Variants in LINGO2 observed in about 807,000 individuals in gnomAD.
The protein encoded by LINGO2 is leucine rich repeat and Ig domain containing 2, also known as leucine-rich repeat and immunoglobulin-like domain-containing nogo receptor-interacting protein 2.
Under a neutral mutation model 30.6 loss-of-function variants are expected in LINGO2, and 14 were observed. The ratio of observed to expected loss-of-function variants is 0.46; its 90% confidence interval spans 0.30 to 0.72. LINGO2 has a LOEUF of 0.72. LINGO2 is among the 30% of genes least tolerant of loss of function. The probability of loss-of-function intolerance (pLI) is 0.07; values close to 1 mark genes in which losing one functional copy is unlikely to be tolerated. For missense variants in LINGO2, 729 were observed against 751.7 expected (o/e 0.97, Z 0.35); for synonymous variants, 317 against 288.5 (o/e 1.10, Z -1.00).
the LINGO2 span, among the ~76,000 whole-genome samples, chr9:28,851,854 G>A: frequency 1.3e-5 from 2 of 150,906 alleles, no homozygotes; most frequent in Admixed American, 6.6e-5. Context: ...TATTTGCACT[G>A]AATTAATAAT....
chr9:28,401,921 C>G (rs918859897), intron 2 of LINGO2, among the ~76,000 whole-genome samples: 2 of 152,064 alleles, frequency 1.3e-5, no homozygotes, highest in African/African-American at 4.8e-5. Context: ...TCTGTTGGCC[C>G]TATAAATATC....
the LINGO2 span, among the ~76,000 whole-genome samples, chr9:28,687,785 G>A: frequency 1.3e-5 from 2 of 151,744 alleles, no homozygotes; most frequent in African/African-American, 4.8e-5. Flanking sequence ...CTGTTTTAAT[G>A]GAAATGTACA....
the LINGO2 span, among the ~76,000 whole-genome samples, chr9:28,740,004 T>C: frequency 6.6e-6 from 1 of 151,246 alleles, no homozygotes; most frequent in African/African-American, 2.4e-5. Flanking sequence ...ATTATTTTAC[T>C]CATTTGTTAT....
At chr9:28,451,203 C>A (rs1248850639) in intron 2 of LINGO2, among the ~76,000 whole-genome samples, 1 of 151,666 alleles carries the variant, frequency 6.6e-6, no homozygotes, top group East Asian at 1.9e-4. Flanking sequence ...TATAATGTTT[C>A]AATAATTCAC....
intron 1 of LINGO2, among the ~76,000 whole-genome samples, chr9:28,590,190 A>G (rs1308442450): frequency 6.6e-6 from 1 of 152,146 alleles, no homozygotes; most frequent in Non-Finnish European, 1.5e-5. Flanking sequence ...TAGACCTAAA[A>G]CCATAAAAAC....
intron 4 of LINGO2, among the ~76,000 whole-genome samples, chr9:28,191,906 T>C (rs1819835439): frequency 6.6e-6 from 1 of 152,184 alleles, no homozygotes. Flanking sequence ...GCCCAGTGCA[T>C]GTCTTTTTCT....
At chr9:28,691,253 T>C in the LINGO2 span, among the ~76,000 whole-genome samples, 2 of 152,232 alleles carry the variant, frequency 1.3e-5, no homozygotes, top group African/African-American at 4.8e-5. Flanking sequence ...CTGTATGATG[T>C]CAATTTATCC....
chr9:28,778,878 C>A, the LINGO2 span, among the ~76,000 whole-genome samples: 2 of 152,068 alleles, frequency 1.3e-5, no homozygotes, highest in Non-Finnish European at 2.9e-5. Context: ...ACAGCAAATA[C>A]ATGGAAGCAT....
the LINGO2 span, among the ~76,000 whole-genome samples, chr9:29,097,247 G>A: frequency 7.2e-6 from 1 of 138,182 alleles, no homozygotes; most frequent in Non-Finnish European, 1.6e-5. Flanking sequence ...CCATTTATAA[G>A]CAAAACAGAA....
chr9:28,649,426 G>A (rs533658874), intron 1 of LINGO2, among the ~76,000 whole-genome samples: 2 of 152,182 alleles, frequency 1.3e-5, no homozygotes, highest in Admixed American at 1.3e-4. Context: ...GTTAATAGAA[G>A]TTAGCTAAAT....
the LINGO2 span, among the ~76,000 whole-genome samples, chr9:28,848,607 TC>T: frequency 6.6e-6 from 1 of 151,004 alleles, no homozygotes; most frequent in Non-Finnish European, 1.5e-5. Context: ...TGCTTTTTTT[TC>T]AAAATCCTAG....
At chr9:29,148,223 T>C in the LINGO2 span, among the ~76,000 whole-genome samples, 1 of 152,176 alleles carries the variant, frequency 6.6e-6, no homozygotes, top group Non-Finnish European at 1.5e-5. Flanking sequence ...AAATAATTAA[T>C]AACACCCATC....
At chr9:29,095,705 A>G in the LINGO2 span, among the ~76,000 whole-genome samples, 1 of 139,148 alleles carries the variant, frequency 7.2e-6, no homozygotes, top group Non-Finnish European at 1.6e-5. Context: ...TACTTGGTAT[A>G]TTGTCAAGTG....
the LINGO2 span, among the ~76,000 whole-genome samples, chr9:29,133,616 A>G: frequency 6.6e-6 from 1 of 152,128 alleles, no homozygotes; most frequent in East Asian, 1.9e-4. Flanking sequence ...CAAAATTTCA[A>G]AGAAATAGTA....
chr9:28,590,918 A>T (rs909230496), intron 1 of LINGO2, among the ~76,000 whole-genome samples: 12 of 152,240 alleles, frequency 7.9e-5, no homozygotes, highest in South Asian at 6.2e-4. Flanking sequence ...CAAATGTCCA[A>T]CAATGATAGA....
At position 28,088,203 on chromosome 9, in the gene LINGO2, TAC is replaced by T. The variant is rs56044203; in HGVS notation, c.-86-75800_-86-75799del. ...AAATAAGATTATATATATATAATTA[TAC>T]ACACACACACACACACACACACACA... is the stretch of plus-strand genomic sequence containing the variant. On this transcript the variant is annotated intron_variant, in intron 4 of 5. Transcript: ENST00000379992. 4.1e-3 allele frequency among the ~76,000 whole-genome samples: 615 copies of T among 148,606 alleles called. 2 individuals are homozygous for T. The highest frequency in any genetic ancestry group is 0.012 in the African/African-American group (490 of 40,530).
chr9:28,568,040 CA>C (rs1453553277), intron 1 of LINGO2, among the ~76,000 whole-genome samples: 4 of 151,980 alleles, frequency 2.6e-5, no homozygotes, highest in Non-Finnish European at 4.4e-5. Context: ...AAACAAATAG[CA>C]GGGAACTGAA....
chr9:29,013,974 T>C, the LINGO2 span, among the ~76,000 whole-genome samples: 1 of 152,180 alleles, frequency 6.6e-6, no homozygotes, highest in Admixed American at 6.5e-5. Flanking sequence ...CTTCTGCACA[T>C]TTGACATTCT....
chr9:28,825,754 T>C, the LINGO2 span, among the ~76,000 whole-genome samples: 3 of 152,120 alleles, frequency 2.0e-5, no homozygotes, highest in Non-Finnish European at 4.4e-5. Flanking sequence ...CTCAGACCCA[T>C]TGTCTCAGAA....
Sources: gnomAD v4.1 joint callset for allele counts (sites outside exome capture counted in the v4.1 genomes callset) on GRCh38, gnomAD v4.1.1 for gene constraint, MANE v1.5 for transcripts, NCBI Gene and HGNC (gene_info 2026-07-23, HGNC 2026-07-21) for gene names.